The following LRRIQ3 variants were observed in gnomAD, a reference collection of about 807,000 sequenced individuals.
The protein encoded by LRRIQ3 is leucine rich repeats and IQ motif containing 3, also known as leucine-rich repeat and IQ domain-containing protein 3.
LRRIQ3 carries 75 observed loss-of-function variants against 59.3 expected under a neutral mutation model. That is an observed-to-expected ratio of 1.26 (90% confidence interval 1.05 to 1.53). The LOEUF is 1.53. LRRIQ3 is among the 40% of genes most tolerant of loss of function. The pLI is 0.00. For missense variants in LRRIQ3, 831 were observed against 710.0 expected (o/e 1.17, Z -1.94); for synonymous variants, 250 against 231.3 (o/e 1.08, Z -0.73).
At chr1:74,104,437 C>T (rs190381507) in intron 5 of LRRIQ3, among the ~76,000 whole-genome samples, 14 of 152,076 alleles carry the variant, frequency 9.2e-5, no homozygotes, top group Admixed American at 3.3e-4. Context: ...GCAAACAAGA[C>T]GTCCTTCAAC....
intron 7 of LRRIQ3, among the ~76,000 whole-genome samples, chr1:74,029,858 T>C (rs955969935): frequency 4.6e-5 from 7 of 152,124 alleles, no homozygotes; most frequent in African/African-American, 1.7e-4. Context: ...AGCTATAAAC[T>C]ATTGCCTCAA....
At chr1:74,133,882 AT>A (rs1286070362) in intron 4 of LRRIQ3, among the ~76,000 whole-genome samples, 1 of 151,842 alleles carries the variant, frequency 6.6e-6, no homozygotes, top group African/African-American at 2.4e-5. Context: ...GACAAAGCAC[AT>A]AATCCTACCA....
At chr1:74,094,383 C>A (rs958667276) in intron 5 of LRRIQ3, among the ~76,000 whole-genome samples, 3 of 151,962 alleles carry the variant, frequency 2.0e-5, no homozygotes, top group Admixed American at 6.6e-5. Context: ...AAGAGGGAGG[C>A]AGGACATTAG....
At chr1:74,103,080 C>T (rs1482927859) in intron 5 of LRRIQ3, among the ~76,000 whole-genome samples, 1 of 151,840 alleles carries the variant, frequency 6.6e-6, no homozygotes, top group African/African-American at 2.4e-5. Context: ...TAAGTAGACA[C>T]TAAAAACCAC....
intron 1 of LRRIQ3, among the ~76,000 whole-genome samples, chr1:74,190,504 A>G (rs1344250921): frequency 6.6e-6 from 1 of 152,026 alleles, no homozygotes; most frequent in Non-Finnish European, 1.5e-5. Context: ...AAAACATAAC[A>G]TTCCAGAAGT....
chr1:74,122,714 A>G (rs1273376038), intron 4 of LRRIQ3, among the ~76,000 whole-genome samples: 1 of 152,174 alleles, frequency 6.6e-6, no homozygotes, highest in Non-Finnish European at 1.5e-5. Flanking sequence ...TAGACATAAA[A>G]CCATAAAAGC....
chr1:74,060,572 T>C (rs1654694062), intron 6 of LRRIQ3, among the ~76,000 whole-genome samples: 1 of 152,118 alleles, frequency 6.6e-6, no homozygotes, highest in Non-Finnish European at 1.5e-5. Flanking sequence ...ATGTCATTTG[T>C]AATTTTTTTC....
Position 74,026,562 on chromosome 1 carries a change from C to T in LRRIQ3, c.*251G>A, listed in dbSNP as rs17094754. The T allele has an allele frequency of 1.3e-5, 4 of 310,142 alleles. No homozygotes were observed. The highest frequency in any genetic ancestry group is 2.2e-5 in the African/African-American group (1 of 45,404). 19.2% of individuals were successfully genotyped at this position (310,142 alleles called of 1,614,324 possible). A position where few individuals can be genotyped will look rare whatever the true frequency, so the allele number is the denominator to read the frequency against. ...TGTCATTGCAACATTGTCTGCAATACATTAAATCAGTTTAATTGTTCCTTA... is the reference window on the plus strand; with the variant it reads ...TGTCATTGCAACATTGTCTGCAATATATTAAATCAGTTTAATTGTTCCTTA... On this transcript the variant is annotated 3_prime_UTR_variant, in exon 8 of 8. Transcript: ENST00000354431.
chr1:74,097,941 C>A (rs1646471444), intron 5 of LRRIQ3, among the ~76,000 whole-genome samples: 1 of 152,172 alleles, frequency 6.6e-6, no homozygotes, highest in Non-Finnish European at 1.5e-5. Context: ...GTACCAGCCA[C>A]TGCAAAAATT....
At chr1:74,150,524 A>T (rs928272605) in intron 4 of LRRIQ3, among the ~76,000 whole-genome samples, 25 of 152,062 alleles carry the variant, frequency 1.6e-4, no homozygotes, top group African/African-American at 5.8e-4. Context: ...TCCAATATGT[A>T]TATTAATGTA....
At chr1:74,049,314 T>C (rs1294237136) in intron 6 of LRRIQ3, among the ~76,000 whole-genome samples, 1 of 152,242 alleles carries the variant, frequency 6.6e-6, no homozygotes, top group East Asian at 1.9e-4. Context: ...GTCGTTGAAG[T>C]AGGGGACTGA....
chr1:74,151,646 T>G (rs1421313037), intron 4 of LRRIQ3, among the ~76,000 whole-genome samples: 5 of 152,116 alleles, frequency 3.3e-5, no homozygotes, highest in Non-Finnish European at 7.4e-5. Flanking sequence ...AAGTCTATGG[T>G]AAGATCTAAA....
intron 7 of LRRIQ3, among the ~76,000 whole-genome samples, chr1:74,036,967 T>G (rs1653890707): frequency 6.6e-6 from 1 of 152,242 alleles, no homozygotes; most frequent in Admixed American, 6.5e-5. Context: ...TTATTCTGAT[T>G]ATCTTCATTG....
intron 5 of LRRIQ3, among the ~76,000 whole-genome samples, chr1:74,103,977 A>G (rs1646572000): frequency 6.6e-6 from 1 of 152,024 alleles, no homozygotes; most frequent in South Asian, 2.1e-4. Context: ...ACGCAATGCA[A>G]TAGTCCTGAG....
chr1:74,173,730 AT>A (rs1450534933), intron 3 of LRRIQ3, among the ~76,000 whole-genome samples: 1 of 152,044 alleles, frequency 6.6e-6, no homozygotes, highest in Non-Finnish European at 1.5e-5. Flanking sequence ...ACAATAAAAA[AT>A]AATAATAATA....
chr1:74,060,267 T>C (rs903786892), intron 6 of LRRIQ3, among the ~76,000 whole-genome samples: 1 of 147,246 alleles, frequency 6.8e-6, no homozygotes, highest in East Asian at 2.1e-4. Flanking sequence ...CCTCTTCCTC[T>C]TCTTTCTCTT....
In LRRIQ3 at chr1:74,117,915, A is replaced by C. The variant is rs563079644; in HGVS notation, c.708-8362T>G. Among the ~76,000 whole-genome samples, 5 of 152,262 alleles carry C rather than the reference A, an allele frequency of 3.3e-5. No individual in the cohort carries two copies. In the South Asian group the frequency reaches 1.0e-3, roughly 32 times the overall value. ...TATAATGGATATATAGACATATGTA[A>C]ATTTACAGGGTTTTGTCCCTATCTT... On this transcript the variant is annotated intron_variant, in intron 4 of 7. Transcript: ENST00000354431.
chr1:74,147,247 C>T (rs988393442), intron 4 of LRRIQ3, among the ~76,000 whole-genome samples: 1 of 151,916 alleles, frequency 6.6e-6, no homozygotes, highest in Admixed American at 6.6e-5. Context: ...GAATTGCCTA[C>T]GAACAAGAAA....
intron 4 of LRRIQ3, among the ~76,000 whole-genome samples, chr1:74,123,293 G>A (rs906771812): frequency 2.0e-5 from 3 of 151,774 alleles, no homozygotes; most frequent in African/African-American, 7.3e-5. Context: ...TCCTTTCTTT[G>A]TTTTACAAAC....
Sources: gnomAD v4.1 joint callset for allele counts (sites outside exome capture counted in the v4.1 genomes callset) on GRCh38, gnomAD v4.1.1 for gene constraint, MANE v1.5 for transcripts, NCBI Gene and HGNC (gene_info 2026-07-23, HGNC 2026-07-21) for gene names.